Variants in THSD7B observed in about 807,000 individuals in gnomAD.
THSD7B encodes thrombospondin type 1 domain containing 7B.
THSD7B carries 138 observed loss-of-function variants against 213.6 expected under a neutral mutation model. The ratio of observed to expected loss-of-function variants is 0.65; its 90% CI spans 0.56 to 0.74. THSD7B has a LOEUF of 0.74. Among genes scored for constraint, THSD7B ranks in the 30% least tolerant of loss-of-function variants. The probability of loss-of-function intolerance (pLI) is 0.00; values close to 1 mark genes in which losing one functional copy is unlikely to be tolerated. For missense variants in THSD7B, 1,931 were observed against 1,991.5 expected, an observed-to-expected ratio of 0.97 and a Z score of 0.58; for synonymous variants, 742 against 687.0, an observed-to-expected ratio of 1.08 and a Z score of -1.25.
chr2:137,264,346 A>G (rs1043850344), intron 10 of THSD7B, among the ~76,000 whole-genome samples: 1 of 149,792 alleles, frequency 6.7e-6, no homozygotes, highest in Non-Finnish European at 1.5e-5. Flanking sequence ...TCTGCCTCCC[A>G]GGTTCATGCC....
intron 14 of THSD7B, among the ~76,000 whole-genome samples, chr2:137,435,556 G>C (rs1687274146): frequency 1.3e-5 from 2 of 152,096 alleles, no homozygotes; most frequent in Non-Finnish European, 2.9e-5. Context: ...TTATCTTGAA[G>C]GTCATTATCA....
chr2:137,057,138 ACAT>A lies in THSD7B; in HGVS notation c.865_867del (p.His289del), dbSNP rs1687184100. 1 of 1,614,038 alleles carries A rather than the reference ACAT, an allele frequency of 6.2e-7. No individual in the cohort carries two copies. The highest frequency in any genetic ancestry group is 8.5e-7 in the Non-Finnish European group (1 of 1,179,902). On this transcript the variant is annotated inframe_deletion, in exon 3 of 28. Transcript: ENST00000409968. Reference sequence around the variant, plus strand: ...CCTTTAAACATCAAAGTTACAAAGCACATCATCATTCGAAGTCTTGGGCAATAG... The same window carrying A: ...CCTTTAAACATCAAAGTTACAAAGCACATCATTCGAAGTCTTGGGCAATAG...
In THSD7B at chr2:136,858,340, C is replaced by T. The variant is rs552268914; in HGVS notation, c.-35-23804C>T. On this transcript the variant is annotated intron_variant, in intron 1 of 27. Coordinates refer to ENST00000409968, the MANE Select transcript of THSD7B (RefSeq NM_001316349.2). ...TGTAAAAATAATCTATAGTTCTATCCAATGTGGGGATTGCAGACATGCTGA... is the reference window on the plus strand; with the variant it reads ...TGTAAAAATAATCTATAGTTCTATCTAATGTGGGGATTGCAGACATGCTGA... Among the ~76,000 whole-genome samples the T allele has an allele frequency of 5.0e-4, 76 of 152,126 alleles. 1 individual carries two copies. In the South Asian group the frequency reaches 0.014, roughly 28 times the overall value.
At chr2:137,202,086 T>C (rs1354924368) in intron 7 of THSD7B, among the ~76,000 whole-genome samples, 2 of 152,112 alleles carry the variant, frequency 1.3e-5, no homozygotes, top group African/African-American at 4.8e-5. Context: ...TTCAGAACGC[T>C]GTCTTTTGCA....
chr2:137,298,352 A>C (rs2104842734), intron 12 of THSD7B, among the ~76,000 whole-genome samples: 1 of 152,274 alleles, frequency 6.6e-6, no homozygotes, highest in South Asian at 2.1e-4. Flanking sequence ...TGCCGTTAAA[A>C]GCATTCTGTT....
intron 7 of THSD7B, among the ~76,000 whole-genome samples, chr2:137,203,602 G>A (rs765343445): frequency 1.3e-5 from 2 of 151,890 alleles, no homozygotes; most frequent in Non-Finnish European, 2.9e-5. Flanking sequence ...TTTATTAATA[G>A]GTATAAGTGT....
chr2:137,521,027 G>A (rs1203620328), intron 15 of THSD7B, among the ~76,000 whole-genome samples: 2 of 152,136 alleles, frequency 1.3e-5, no homozygotes, highest in Non-Finnish European at 1.5e-5. Flanking sequence ...GGTGGGGTTG[G>A]GGATTGGGTT....
At chr2:137,406,407 G>A (rs535575536) in intron 13 of THSD7B, among the ~76,000 whole-genome samples, 1 of 152,276 alleles carries the variant, frequency 6.6e-6, no homozygotes, top group Admixed American at 6.5e-5. Context: ...CCTGCAGTAT[G>A]CAAATAATTG....
chr2:137,588,435 C>G (rs1369088514), intron 17 of THSD7B, among the ~76,000 whole-genome samples: 1 of 150,874 alleles, frequency 6.6e-6, no homozygotes, highest in African/African-American at 2.4e-5. Context: ...TCATGCTGGG[C>G]TATTTGATGT....
At chr2:137,100,530 T>C (rs1164001302) in intron 4 of THSD7B, among the ~76,000 whole-genome samples, 2 of 152,090 alleles carry the variant, frequency 1.3e-5, no homozygotes, top group Non-Finnish European at 1.5e-5. Context: ...AATAGTAATG[T>C]CCCAACACAT....
chr2:137,307,771 C>T (rs993617949), intron 12 of THSD7B, among the ~76,000 whole-genome samples: 1 of 152,102 alleles, frequency 6.6e-6, no homozygotes, highest in Non-Finnish European at 1.5e-5. Flanking sequence ...GCATAAATTA[C>T]GTTCTTCTTA....
At chr2:137,337,432 A>G (rs1254909863) in intron 12 of THSD7B, among the ~76,000 whole-genome samples, 1 of 152,124 alleles carries the variant, frequency 6.6e-6, no homozygotes, top group Non-Finnish European at 1.5e-5. Flanking sequence ...TCTTGGCAAT[A>G]ATAGCATCGA....
intron 4 of THSD7B, among the ~76,000 whole-genome samples, chr2:137,113,134 T>C: frequency 6.6e-6 from 1 of 152,142 alleles, no homozygotes; most frequent in East Asian, 1.9e-4. Flanking sequence ...TGGGGAATCC[T>C]TGGAGGAAGA....
intron 14 of THSD7B, among the ~76,000 whole-genome samples, chr2:137,429,376 T>A (rs895417373): frequency 6.6e-6 from 1 of 152,142 alleles, no homozygotes; most frequent in Non-Finnish European, 1.5e-5. Flanking sequence ...GAATAACAAT[T>A]CAAAGGAATA....
At position 137,231,143 on chromosome 2, in the gene THSD7B, C is replaced by T. The variant is rs61741154; in HGVS notation, c.1823C>T (p.Thr608Met). The T allele has an allele frequency of 2.9e-4, 472 of 1,613,588 alleles. No individual in the cohort carries two copies. The highest frequency in any genetic ancestry group is 9.9e-4 in the Middle Eastern group (6 of 6,080). ...ATGGACTGTGTGCTGAGCGAGTGGA[C>T]GGAGTGGTCATCCTGTTCCCAGTCC... ...CRMDCVLSEWTEWSSCSQSCS... is the reference protein window; with the variant it reads ...CRMDCVLSEWMEWSSCSQSCS... Residue 608 changes from threonine to methionine, a missense_variant, in exon 8 of 28, where the codon ACG becomes ATG. Coordinates refer to ENST00000409968, the MANE Select transcript of THSD7B (RefSeq NM_001316349.2).
intron 12 of THSD7B, among the ~76,000 whole-genome samples, chr2:137,316,476 G>T (rs1227132674): frequency 1.3e-5 from 2 of 152,192 alleles, no homozygotes; most frequent in African/African-American, 4.8e-5. Flanking sequence ...AGAACTAACT[G>T]CTGTTAAGAA....
chr2:137,135,992 G>T (rs1679449254), intron 5 of THSD7B, among the ~76,000 whole-genome samples: 1 of 151,920 alleles, frequency 6.6e-6, no homozygotes, highest in African/African-American at 2.4e-5. Context: ...ATGCGTGCAT[G>T]TCCTTTTCAG....
At chr2:137,401,883 C>A (rs142541593) in intron 12 of THSD7B, among the ~76,000 whole-genome samples, 1 of 152,258 alleles carries the variant, frequency 6.6e-6, no homozygotes, top group East Asian at 1.9e-4. Flanking sequence ...TGTGTCTTCA[C>A]CATATCTGAG....
chr2:137,104,034 A>G (rs748044983), intron 4 of THSD7B, among the ~76,000 whole-genome samples: 9 of 152,208 alleles, frequency 5.9e-5, no homozygotes, highest in Non-Finnish European at 1.0e-4. Flanking sequence ...AAGTGGACCT[A>G]ATAGACATCT....
Sources: allele counts gnomAD v4.1 joint callset (sites outside exome capture counted in the v4.1 genomes callset), GRCh38; gene constraint gnomAD v4.1.1; transcripts MANE v1.5; gene names NCBI Gene and HGNC (gene_info 2026-07-23, HGNC 2026-07-21).